Variants in BMPR2 observed in about 807,000 individuals in gnomAD.
BMPR2 encodes bone morphogenetic protein receptor type 2.
Under a neutral mutation model 100.8 loss-of-function variants are expected in BMPR2, and 29 were observed. The observed-to-expected ratio is 0.29, with a 90% CI of 0.21 to 0.39. The LOEUF is 0.39. Among genes scored for constraint, BMPR2 ranks in the 10% least tolerant of loss-of-function variants. The pLI, the probability that BMPR2 is intolerant of heterozygous loss-of-function variation, is 1.00. For synonymous variants in BMPR2, 382 were observed against 442.3 expected (o/e 0.86, Z 1.71); for missense variants, 1,011 against 1,274.5 (o/e 0.79, Z 3.15).
chr2:202,423,993 A>G (rs999509514), intron 1 of BMPR2, among the ~76,000 whole-genome samples: 2 of 150,892 alleles, frequency 1.3e-5, no homozygotes, highest in African/African-American at 4.9e-5. Context: ...GAATTGCTTG[A>G]ACCTTAGAGG....
chr2:202,504,775 G>A (rs1353665763), intron 3 of BMPR2, among the ~76,000 whole-genome samples: 2 of 148,894 alleles, frequency 1.3e-5, no homozygotes, highest in African/African-American at 5.0e-5. Context: ...CACCCTTCGA[G>A]TTCAAGCGAT....
intron 1 of BMPR2, among the ~76,000 whole-genome samples, chr2:202,413,128 T>C (rs982428245): frequency 6.6e-6 from 1 of 152,230 alleles, no homozygotes; most frequent in Non-Finnish European, 1.5e-5. Context: ...AAGGCCACAT[T>C]CTGACTTCTT....
rs750470872 is a variant in BMPR2, at chr2:202,456,063, C to CAAAAAAAAAAA, written c.77-8717_77-8707dup. Among the ~76,000 whole-genome samples the CAAAAAAAAAAA allele has an allele frequency of 1.1e-4, 4 of 36,764 alleles. 1 individual carries two copies. The highest frequency in any genetic ancestry group is 1.9e-4 in the Non-Finnish European group (4 of 20,884). The allele number at this position is 36,764 out of a possible 152,430, so 24.1% of individuals were successfully genotyped here. A position where few individuals can be genotyped will look rare whatever the true frequency, so the allele number is the denominator to read the frequency against. ...CTGGGCAACAGGGTGAGACCCGTCT[C>CAAAAAAAAAAA]AAAAAAAAAAAAAAAAAAAAAAAAA... On this transcript the variant is annotated intron_variant, in intron 1 of 12. Coordinates refer to ENST00000374580, the MANE Select transcript of BMPR2 (RefSeq NM_001204.7).
intron 5 of BMPR2, among the ~76,000 whole-genome samples, chr2:202,516,131 A>G (rs114861061): frequency 1.3e-3 from 194 of 152,300 alleles, no homozygotes; most frequent in African/African-American, 4.5e-3. Flanking sequence ...AAGTGTTACC[A>G]TGATGAGTGT....
At chr2:202,452,312 T>TA (rs1298777731) in intron 1 of BMPR2, among the ~76,000 whole-genome samples, 1 of 152,222 alleles carries the variant, frequency 6.6e-6, no homozygotes. Context: ...TCCATATTGT[T>TA]ACATAATCTA....
chr2:202,426,618 A>G (rs1265851310), intron 1 of BMPR2, among the ~76,000 whole-genome samples: 1 of 150,222 alleles, frequency 6.7e-6, no homozygotes, highest in Non-Finnish European at 1.5e-5. Context: ...GTGGTGGCTC[A>G]TGTCTGTAAC....
intron 1 of BMPR2, among the ~76,000 whole-genome samples, chr2:202,426,508 G>GCAGTGAGC (rs1256342568): frequency 1.4e-5 from 2 of 146,398 alleles, no homozygotes; most frequent in Non-Finnish European, 1.5e-5. Flanking sequence ...GGTGGAGGTT[G>GCAGTGAGC]CAGTGAGCCA....
Position 202,560,125 on chromosome 2 carries a change from A to G in BMPR2, c.*179A>G. On this transcript the variant is annotated 3_prime_UTR_variant, in exon 13 of 13. Transcript: ENST00000374580. ...AGAAAAATTTAGCTTATGCTTCCATATTTTTAAATTTTGTTTTTTAAGTTT... is the reference window on the plus strand; with the variant it reads ...AGAAAAATTTAGCTTATGCTTCCATGTTTTTAAATTTTGTTTTTTAAGTTT... 1.3e-6 allele frequency: 1 copy of G among 781,074 alleles called. No homozygotes were observed. The highest frequency in any genetic ancestry group is 2.0e-6 in the Non-Finnish European group (1 of 506,298). 48.4% of individuals were successfully genotyped at this position (781,074 alleles called of 1,614,324 possible). A position where few individuals can be genotyped will look rare whatever the true frequency, so the allele number is the denominator to read the frequency against.
intron 3 of BMPR2, among the ~76,000 whole-genome samples, chr2:202,477,618 C>T (rs542609554): frequency 6.6e-6 from 1 of 152,176 alleles, no homozygotes; most frequent in East Asian, 1.9e-4. Flanking sequence ...TGAAACCCAC[C>T]TCTACTGAAA....
At chr2:202,497,877 C>T (rs1010961607) in intron 3 of BMPR2, among the ~76,000 whole-genome samples, 11 of 152,180 alleles carry the variant, frequency 7.2e-5, no homozygotes, top group Admixed American at 1.3e-4. Context: ...CCTGGGCTCA[C>T]CAATCAGAAA....
At chr2:202,428,242 CAG>C (rs1027865313) in intron 1 of BMPR2, among the ~76,000 whole-genome samples, 12 of 152,238 alleles carry the variant, frequency 7.9e-5, no homozygotes, top group African/African-American at 2.9e-4. Context: ...CACATACTGT[CAG>C]AGTCCCTATT....
At chr2:202,528,210 TGGA>T (rs879843558) in intron 7 of BMPR2, among the ~76,000 whole-genome samples, 15 of 152,266 alleles carry the variant, frequency 9.9e-5, no homozygotes, top group Admixed American at 9.1e-4. Context: ...ACTTTTGAGA[TGGA>T]GTCTCGCTCT....
At position 202,555,685 on chromosome 2, in the gene BMPR2, G is replaced by C; in HGVS notation, c.2020G>C (p.Asp674His). 1 of 1,614,058 alleles carries C rather than the reference G, an allele frequency of 6.2e-7. No homozygotes were observed. Among genetic ancestry groups the C allele is most frequent in the East Asian group, 2.2e-5 (1 of 44,886 alleles). ...ETNKLDPKEV[D>H]KNLKESSDEN... ...CAACAAGCTAGACCCAAAAGAAGTT[G>C]ATAAGAACCTCAAGGAAAGCTCTGA... Residue 674 changes from aspartate to histidine, a missense_variant, in exon 12 of 13, where the codon GAT (aspartate) becomes CAT (histidine). Asp to His is a moderately conservative substitution (Grantham distance 81, BLOSUM62 -1). Around this residue, in one of 6 missense-constraint regions of BMPR2, gnomAD observed 508 missense variants for 552.0 expected, o/e 0.92. Transcript: ENST00000374580.
intron 10 of BMPR2, among the ~76,000 whole-genome samples, chr2:202,549,852 TG>T (rs1688444522): frequency 6.6e-6 from 1 of 152,222 alleles, no homozygotes; most frequent in Non-Finnish European, 1.5e-5. Context: ...CCAGTTTCTC[TG>T]CATCTTTGCC....
chr2:202,542,678 A>G (rs761715255), intron 10 of BMPR2, among the ~76,000 whole-genome samples: 12 of 152,140 alleles, frequency 7.9e-5, no homozygotes, highest in Non-Finnish European at 1.8e-4. Flanking sequence ...AGAATAACTA[A>G]TGTGTCATAA....
chr2:202,433,845 T>C (rs1015537745), intron 1 of BMPR2, among the ~76,000 whole-genome samples: 1 of 150,168 alleles, frequency 6.7e-6, no homozygotes, highest in Non-Finnish European at 1.5e-5. Context: ...GAGGCAAAGA[T>C]TGCAGTGAGC....
chr2:202,543,229 T>TATATTTATATACATATATATTTATATAC (rs1688313096), intron 10 of BMPR2, among the ~76,000 whole-genome samples: 3 of 146,906 alleles, frequency 2.0e-5, no homozygotes, highest in South Asian at 4.2e-4. Context: ...TATTTATATA[T>TATATTTATATACATATATATTTATATAC]ATATTTATAT....
intron 1 of BMPR2, among the ~76,000 whole-genome samples, chr2:202,384,568 C>CTTTCTT (rs1242994441): frequency 5.1e-3 from 58 of 11,366 alleles, no homozygotes; most frequent in Non-Finnish European, 9.9e-3. Context: ...TTCTTTCTTT[C>CTTTCTT]TTTTTCTTTC....
chr2:202,457,137 C>A (rs1692126149), intron 1 of BMPR2, among the ~76,000 whole-genome samples: 1 of 152,084 alleles, frequency 6.6e-6, no homozygotes, highest in Non-Finnish European at 1.5e-5. Context: ...TACCTACCTA[C>A]CTACCTATCA....
Sources: gnomAD v4.1 joint callset for allele counts (sites outside exome capture counted in the v4.1 genomes callset) on GRCh38, gnomAD v4.1.1 for gene constraint, gnomAD v4.1.1 regional missense constraint, MANE v1.5 for transcripts, NCBI Gene and HGNC (gene_info 2026-07-23, HGNC 2026-07-21) for gene names.